CLDN14: variants seen among roughly 807,000 people sequenced by gnomAD.
CLDN14 encodes claudin-14.
In CLDN14, 2 loss-of-function variants were observed where a neutral mutation model predicts 2.1. The ratio of observed to expected loss-of-function variants is 0.96; its 90% CI spans 0.39 to 3.01. The LOEUF (loss-of-function observed/expected upper bound fraction) is 3.01, where lower values mean the gene tolerates loss of function less well. CLDN14 is among the 30% of genes most tolerant of loss of function. The pLI is 0.09. For synonymous variants in CLDN14, 136 were observed against 154.4 expected (o/e 0.88, Z 0.88); for missense variants, 298 against 328.0 (o/e 0.91, Z 0.71).
At chr21:36,493,148 C>T (rs1427333879) in intron 2 of CLDN14, among the ~76,000 whole-genome samples, 1 of 152,056 alleles carries the variant, frequency 6.6e-6, no homozygotes, top group Non-Finnish European at 1.5e-5. Context: ...GGGAGGAGGT[C>T]GAGCCTCCTG....
chr21:36,573,404 T>TA (rs527746947), intron 1 of CLDN14, among the ~76,000 whole-genome samples: 237 of 152,062 alleles, frequency 1.6e-3, no homozygotes, highest in African/African-American at 5.4e-3. Context: ...GAATTATAAG[T>TA]AGTTACAAAG....
At chr21:36,495,685 T>C (rs1276972917) in intron 2 of CLDN14, among the ~76,000 whole-genome samples, 2 of 152,218 alleles carry the variant, frequency 1.3e-5, no homozygotes, top group African/African-American at 2.4e-5. Flanking sequence ...GCAAGGGTGA[T>C]TTTACAACCC....
In CLDN14 at chr21:36,568,738, G is replaced by A. The variant is rs1601640416; in HGVS notation, c.-220+7673C>T. Among the ~76,000 whole-genome samples the A allele has an allele frequency of 2.6e-5, 4 of 152,116 alleles. No individual in the cohort carries two copies. The South Asian group carries it at 8.3e-4, about 32-fold the overall frequency. On this transcript the variant is annotated intron_variant, in intron 1 of 2. Coordinates refer to the CLDN14 transcript ENST00000342108. ...AGACCCTGTCCCAAGAAAAAAAGAA[G>A]GGAAATATTCATTTTTCTACACCCT...
Position 36,461,638 on chromosome 21 carries a change from C to G in CLDN14, c.58G>C (p.Gly20Arg). 1 of 1,579,108 alleles carries G rather than the reference C, an allele frequency of 6.3e-7. No homozygotes were observed. The highest frequency in any genetic ancestry group is 8.6e-7 in the Non-Finnish European group (1 of 1,163,246). Residue 20 changes from glycine (G) to arginine (R), a missense_variant, in exon 2 of 2, where the codon GGC becomes CGC. Coordinates refer to ENST00000399135, the MANE Select transcript of CLDN14 (RefSeq NM_001146079.2). ...GFLLSFLGMVGTLITTILPHW... is the reference protein window; with the variant it reads ...GFLLSFLGMVRTLITTILPHW... ...GGCAGGATGGTGGTGATCAACGTGC[C>G]CACCATGCCCAGGAAGCTGAGCAGG...
chr21:36,477,060 GCT>G, intron 1 of CLDN14, among the ~76,000 whole-genome samples: 2 of 152,300 alleles, frequency 1.3e-5, no homozygotes, highest in Middle Eastern at 6.8e-3. Context: ...CTCAGGACTT[GCT>G]AGATAATTTG....
upstream of CLDN14, among the ~76,000 whole-genome samples, chr21:36,484,370 G>C (rs368678586): frequency 2.4e-4 from 37 of 152,184 alleles, no homozygotes; most frequent in African/African-American, 8.4e-4. Context: ...CCCGAAACTT[G>C]GCCAGAGCAT....
chr21:36,474,790 G>C (rs1256100777), intron 1 of CLDN14, among the ~76,000 whole-genome samples: 1 of 152,174 alleles, frequency 6.6e-6, no homozygotes, highest in Non-Finnish European at 1.5e-5. Flanking sequence ...CATCTGTAGG[G>C]GCAGTAGGGA....
intron 2 of CLDN14, among the ~76,000 whole-genome samples, chr21:36,488,268 T>TCCTTCCTTCCTG (rs879439464): frequency 1.3e-5 from 2 of 150,122 alleles, no homozygotes; most frequent in Non-Finnish European, 3.0e-5. Flanking sequence ...CTTCCTTCCT[T>TCCTTCCTTCCTG]CCTTCCCTCT....
At chr21:36,534,586 T>A (rs979524134) in intron 1 of CLDN14, among the ~76,000 whole-genome samples, 1 of 152,208 alleles carries the variant, frequency 6.6e-6, no homozygotes. Flanking sequence ...AGAGGCTGGC[T>A]GACAATCACC....
At chr21:36,463,149 G>A (rs2146415800) in intron 1 of CLDN14, among the ~76,000 whole-genome samples, 1 of 152,324 alleles carries the variant, frequency 6.6e-6, no homozygotes, top group Middle Eastern at 3.4e-3. Context: ...GCGAGACCGG[G>A]CATTAGCAGC....
chr21:36,500,425 T>G (rs76415705), intron 2 of CLDN14, among the ~76,000 whole-genome samples: 20,104 of 152,206 alleles, frequency 0.13, 1,674 homozygotes, highest in South Asian at 0.31. Flanking sequence ...ATTCCATTCA[T>G]TTTTTTAAAA....
At chr21:36,542,549 G>A (rs2087498379) in intron 1 of CLDN14, 1 of 152,348 alleles carries the variant, frequency 6.6e-6, no homozygotes, top group South Asian at 2.1e-4. Flanking sequence ...GAAACCCCCC[G>A]GGGCTGGAAA....
chr21:36,513,037 C>T (rs900187844), intron 1 of CLDN14, among the ~76,000 whole-genome samples: 4 of 152,206 alleles, frequency 2.6e-5, no homozygotes, highest in African/African-American at 7.2e-5. Flanking sequence ...TGCCGCTCCT[C>T]TTCCTCCTTG....
chr21:36,486,718 A>G (rs2086901564), intron 2 of CLDN14: 2 of 1,162,192 alleles, frequency 1.7e-6, no homozygotes, highest in Non-Finnish European at 2.6e-6. Flanking sequence ...TGAGGAATTT[A>G]GCCAGTTTCA....
At chr21:36,561,963 T>TTGTTTTGCTGCAAAAAAACCC in intron 1 of CLDN14, among the ~76,000 whole-genome samples, 1 of 150,540 alleles carries the variant, frequency 6.6e-6, no homozygotes, top group East Asian at 2.0e-4. Flanking sequence ...TTCAAGACTC[T>TTGTTTTGCTGCAAAAAAACCC]TGTTTTGCTG....
intron 2 of CLDN14, among the ~76,000 whole-genome samples, chr21:36,509,055 A>G (rs1445535617): frequency 6.6e-6 from 1 of 152,212 alleles, no homozygotes; most frequent in Non-Finnish European, 1.5e-5. Context: ...CCTTTCCTCT[A>G]GGTAAATATT....
chr21:36,461,409 G>A lies in CLDN14; in HGVS notation c.287C>T (p.Ala96Val), dbSNP rs762368755. Reference protein sequence around the residue: ...ISCLLSGIACACAVIGMKCTR... With the variant: ...ISCLLSGIACVCAVIGMKCTR... ...GCACTTCATCCCGATGACGGCGCAGGCGCAGGCTATGCCCGAGAGCAGGCA... is the reference window on the plus strand; with the variant it reads ...GCACTTCATCCCGATGACGGCGCAGACGCAGGCTATGCCCGAGAGCAGGCA... The change falls in exon 2 of 2, where the codon GCC becomes GTC. Residue 96 changes from alanine to valine, a missense_variant. Transcript: ENST00000399135. 1 of 1,613,230 alleles carries A rather than the reference G, an allele frequency of 6.2e-7. No homozygotes were observed. The highest frequency in any genetic ancestry group is 1.1e-5 in the South Asian group (1 of 91,082).
At chr21:36,507,090 T>A (rs2087140384) in intron 2 of CLDN14, among the ~76,000 whole-genome samples, 2 of 151,134 alleles carry the variant, frequency 1.3e-5, no homozygotes, top group East Asian at 3.9e-4. Context: ...ACCACTGCAC[T>A]CCAGCCTGGG....
Position 36,498,074 on chromosome 21 carries a change from A to G in CLDN14, c.-82+12289T>C, listed in dbSNP as rs1263985616. Among the ~76,000 whole-genome samples the G allele has an allele frequency of 1.3e-5, 2 of 151,316 alleles. No individual in the cohort carries two copies. Among genetic ancestry groups the G allele is most frequent in the East Asian group, 3.9e-4 (2 of 5,146 alleles). On this transcript the variant is annotated intron_variant, in intron 2 of 2. Coordinates refer to the CLDN14 transcript ENST00000342108. The surrounding 1 kb of genome is among the most constrained non-coding windows in gnomAD (Gnocchi z 4.9). ...GAGTGCAGTGGTGCAATCTTGGCTC[A>G]CTGCAACCTCCACCGCCCGGGGTTC...
Sources: gnomAD v4.1 joint callset for allele counts (sites outside exome capture counted in the v4.1 genomes callset) on GRCh38, gnomAD v4.1.1 for gene constraint, Gnocchi (gnomAD v3.1) non-coding constraint, MANE v1.5 for transcripts, NCBI Gene and HGNC (gene_info 2026-07-23, HGNC 2026-07-21) for gene names.